TMC8: variants seen among roughly 807,000 people sequenced by gnomAD.
The protein encoded by TMC8 is transmembrane channel-like protein 8.
TMC8 carries 71 observed loss-of-function variants against 76.0 expected under a neutral mutation model. That is an observed-to-expected ratio of 0.93 (90% CI 0.77 to 1.14). The LOEUF (loss-of-function observed/expected upper bound fraction) is 1.14. Ranked by LOEUF, TMC8 falls within the 50% of genes most tolerant of loss-of-function variation. TMC8 has a pLI of 0.00. For missense variants in TMC8, 924 were observed against 947.9 expected (o/e 0.97, Z 0.33); for synonymous variants, 433 against 433.8 (o/e 1.00, Z 0.02).
Position 78,133,425 on chromosome 17 carries a change from T to C in TMC8, c.551T>C (p.Leu184Pro). 1.9e-6 allele frequency: 3 copies of C among 1,613,830 alleles called. No homozygotes were observed. Among genetic ancestry groups the C allele is most frequent in the Non-Finnish European group, 2.5e-6 (3 of 1,180,030 alleles). The change falls in exon 6 of 16, where the codon CTC becomes CCC. Residue 184 changes from leucine (L) to proline (P), a missense_variant. Leu to Pro is a moderately conservative substitution (Grantham distance 98, BLOSUM62 -3). Transcript: ENST00000318430. ...LTGRAFTNTY[L>P]FYGAYRVGPE... is the part of the protein sequence containing the mutation. ...CCCCAGGCCTTCACCAACACCTATC[T>C]CTTCTACGGTGCGTACCGAGTGGGG...
At chr17:78,132,561 G>C in intron 4 of TMC8, 53 bp downstream of exon 4, 1 of 1,579,026 alleles carries the variant, frequency 6.3e-7, no homozygotes, top group Admixed American at 1.8e-5. Flanking sequence ...TGCGCCATGG[G>C]GGGGCTGGCC....
At chr17:78,134,783 G>C (rs2075176584) in intron 8 of TMC8, 87 bp from the exon 9 acceptor site, 2 of 1,597,038 alleles carry the variant, frequency 1.3e-6, no homozygotes, top group South Asian at 1.1e-5. Context: ...GCCTGCCCCA[G>C]AGTTACACTT....
chr17:78,137,045 T>G, intron 9 of TMC8, 190 bp from the exon 10 acceptor site: 1 of 771,874 alleles, frequency 1.3e-6, no homozygotes. Context: ...CTTTTTCCCA[T>G]GAATCGCCTG....
intron 9 of TMC8, among the ~76,000 whole-genome samples, chr17:78,136,104 A>G (rs549163557): frequency 6.6e-6 from 1 of 152,240 alleles, no homozygotes; most frequent in South Asian, 2.1e-4. Flanking sequence ...AGCTCCCTCA[A>G]CAGGAGAACC....
intron 14 of TMC8, 165 bp from the exon 15 acceptor site, chr17:78,138,997 G>T: frequency 6.4e-7 from 1 of 1,550,718 alleles, no homozygotes. Context: ...GGGATGAGGG[G>T]CTCTGCGAGG....
intron 15 of TMC8, 151 bp from the exon 16 acceptor site, chr17:78,140,683 T>C (rs2075353054): frequency 9.1e-7 from 1 of 1,093,558 alleles, no homozygotes; most frequent in Admixed American, 2.1e-5. Context: ...GGGTGTGGCC[T>C]CGAGCGGGGC....
chr17:78,132,315 C>A, intron 3 of TMC8, 44 bp from the exon 4 acceptor site: 1 of 1,607,936 alleles, frequency 6.2e-7, no homozygotes, highest in South Asian at 1.1e-5. Flanking sequence ...GCGGCCCCAG[C>A]CCCGGCCCCG....
intron 10 of TMC8, 134 bp downstream of exon 10, chr17:78,137,492 C>A (rs117626020): frequency 2.7e-6 from 4 of 1,493,792 alleles, no homozygotes; most frequent in African/African-American, 1.4e-5. Context: ...CCTGCACCGC[C>A]GCACACCTCC....
In TMC8 at chr17:78,130,965, G is replaced by A. The variant is rs374387331; in HGVS notation, c.-309+114G>A. 803 of 168,956 alleles carry A rather than the reference G, an allele frequency of 4.8e-3. 9 individuals are homozygous for A. The highest frequency in any genetic ancestry group is 0.018 in the African/African-American group (765 of 41,618). 10.5% of individuals were successfully genotyped at this position (168,956 alleles called of 1,614,324 possible). A position where few individuals can be genotyped will look rare whatever the true frequency, so the allele number is the denominator to read the frequency against. On this transcript the variant is annotated intron_variant, in intron 1 of 15. Coordinates refer to ENST00000318430, the MANE Select transcript of TMC8 (RefSeq NM_152468.5). Reference sequence around the variant, plus strand: ...TGCTCCTGTCCCCACGGCTGGGGCTGTAGCCACAGGTCCTCATCAGGGGCT... The same window carrying A: ...TGCTCCTGTCCCCACGGCTGGGGCTATAGCCACAGGTCCTCATCAGGGGCT...
Position 78,134,445 on chromosome 17 carries a change from G to A in TMC8, c.868G>A (p.Ala290Thr), listed in dbSNP as rs768411245. 25 of 1,613,526 alleles carry A rather than the reference G, an allele frequency of 1.5e-5. No homozygotes were observed. The highest frequency in any genetic ancestry group is 1.9e-5 in the Non-Finnish European group (23 of 1,180,044). Residue 290 changes from alanine to threonine, a missense_variant, in exon 8 of 16, where the codon GCC (alanine) becomes ACC (threonine). Ala to Thr is a moderately conservative substitution (Grantham distance 58). Coordinates refer to ENST00000318430, the MANE Select transcript of TMC8 (RefSeq NM_152468.5). Reference sequence around the variant, plus strand: ...CCAGCTGATGCAGCAGCAGACCCGGGCCCAGACGGCCTGCCGCCTGCTCTC... The same window carrying A: ...CCAGCTGATGCAGCAGCAGACCCGGACCCAGACGGCCTGCCGCCTGCTCTC... Reference protein sequence around the residue: ...RFQLMQQQTRAQTACRLLSYL... With the variant: ...RFQLMQQQTRTQTACRLLSYL...
At chr17:78,140,752 G>A (rs1295349258) in intron 15 of TMC8, 82 bp from the exon 16 acceptor site, 1 of 1,536,334 alleles carries the variant, frequency 6.5e-7, no homozygotes, top group Non-Finnish European at 8.8e-7. Flanking sequence ...CCCATGGGCC[G>A]CAGAGTTGCT....
chr17:78,136,733 G>T, intron 9 of TMC8: 1 of 260,504 alleles, frequency 3.8e-6, no homozygotes, highest in South Asian at 4.0e-5. Flanking sequence ...AGGGAACATG[G>T]CTGGACTGTG....
intron 6 of TMC8, 40 bp from the exon 7 acceptor site, chr17:78,133,813 G>T: frequency 6.2e-7 from 1 of 1,612,016 alleles, no homozygotes; most frequent in Non-Finnish European, 8.5e-7. Flanking sequence ...GATGGTAGAG[G>T]TGCCCCTCCT....
chr17:78,138,229 G>C (rs2075286412), intron 12 of TMC8, 41 bp downstream of exon 12: 2 of 1,613,320 alleles, frequency 1.2e-6, no homozygotes, highest in East Asian at 2.2e-5. Context: ...TCGTGCCTCT[G>C]GGTGGATGCC....
At chr17:78,134,144 C>A in intron 7 of TMC8, 144 bp downstream of exon 7, 1 of 1,297,580 alleles carries the variant, frequency 7.7e-7, no homozygotes, top group Non-Finnish European at 1.1e-6. Flanking sequence ...CCTGTGGGAG[C>A]GTGATGGAGA....
chr17:78,141,119 C>T lies in TMC8; in HGVS notation c.*7C>T. ...CAGCGGCGCGGAGCTGTAACCCCTA[C>T]CCCTGCCTCCCCGAAGCCTCCCTGG... is the stretch of plus-strand genomic sequence containing the variant. On this transcript the variant is annotated 3_prime_UTR_variant, in exon 16 of 16. Transcript: ENST00000318430. 1 of 1,538,022 alleles carries T rather than the reference C, an allele frequency of 6.5e-7. No homozygotes were observed. Among genetic ancestry groups the T allele is most frequent in the Non-Finnish European group, 8.7e-7 (1 of 1,150,552 alleles).
intron 9 of TMC8, 85 bp from the exon 10 acceptor site, chr17:78,137,150 C>T (rs554163040): frequency 2.2e-4 from 351 of 1,582,174 alleles, no homozygotes; most frequent in Non-Finnish European, 2.9e-4. Flanking sequence ...TGATCCCACT[C>T]GGACATCAGC....
rs369371040 is a variant in TMC8 at position 78,139,161 on chromosome 17, G to A, written c.1824-1G>A. The A allele has an allele frequency of 1.9e-6, 3 of 1,613,586 alleles. No individual in the cohort carries two copies. The East Asian group carries it at 6.7e-5, about 36-fold the overall frequency. Reference sequence around the variant, plus strand: ...GACCACGAATCCCCTTCCCACCCAAGCCTTGTCCTGACGGTGTGCGTCTCC... The same window carrying A: ...GACCACGAATCCCCTTCCCACCCAAACCTTGTCCTGACGGTGTGCGTCTCC... On this transcript the variant is annotated splice_acceptor_variant, in intron 14 of 15. Transcript: ENST00000318430. LOFTEE classifies it high-confidence loss of function.
At chr17:78,137,846 G>T in intron 11 of TMC8, 32 bp downstream of exon 11, 1 of 1,608,338 alleles carries the variant, frequency 6.2e-7, no homozygotes. Context: ...CCAGAAGGGC[G>T]GGGGTGCCGC....
Sources: allele counts gnomAD v4.1 joint callset (sites outside exome capture counted in the v4.1 genomes callset), GRCh38; gene constraint gnomAD v4.1.1; transcripts MANE v1.5; gene names NCBI Gene and HGNC (gene_info 2026-07-23, HGNC 2026-07-21).